Variants in RNF111 observed in about 807,000 individuals in gnomAD.
RNF111 encodes the protein E3 ubiquitin-protein ligase Arkadia.
In RNF111, 17 loss-of-function variants were observed where a neutral mutation model predicts 95.1. That is an observed-to-expected ratio of 0.18 (90% confidence interval 0.12 to 0.27). The LOEUF (loss-of-function observed/expected upper bound fraction) is 0.27. RNF111 is among the 10% of genes least tolerant of loss of function. The pLI is 1.00. For synonymous variants in RNF111, 440 were observed against 414.8 expected (o/e 1.06, Z -0.74); for missense variants, 1,189 against 1,210.4 (o/e 0.98, Z 0.26).
At chr15:59,060,341 A>T (rs1312673359) in intron 5 of RNF111, among the ~76,000 whole-genome samples, 1 of 152,050 alleles carries the variant, frequency 6.6e-6, no homozygotes, top group African/African-American at 2.4e-5. Context: ...GGTGAGACTC[A>T]CACCTGTAAT....
chr15:59,029,757 G>T (rs11855063), intron 1 of RNF111, among the ~76,000 whole-genome samples: 1 of 152,100 alleles, frequency 6.6e-6, no homozygotes, highest in South Asian at 2.1e-4. Flanking sequence ...CTGTAGTAAT[G>T]GGAAGAAGAT....
At chr15:59,026,603 A>G (rs2040622630) in intron 1 of RNF111, among the ~76,000 whole-genome samples, 1 of 152,210 alleles carries the variant, frequency 6.6e-6, no homozygotes, top group Admixed American at 6.5e-5. Flanking sequence ...ATAATTTAGA[A>G]TATTATCTGT....
chr15:59,092,593 A>G lies in RNF111; in HGVS notation c.2796A>G (p.Glu932=). The part of the protein sequence containing the change: ...GEEGTEEDTE[E]KCTICLSILE... ...AAGGGACTGAGGAAGACACAGAGGA[A>G]AAATGTACTATCTGTTTGTCTATTT... is the stretch of plus-strand genomic sequence containing the variant. The change falls in exon 13 of 14, where the codon GAA becomes GAG. Residue 932 remains glutamate (E), a synonymous_variant. Coordinates refer to ENST00000348370, the MANE Select transcript of RNF111 (RefSeq NM_017610.8). 1 of 1,613,016 alleles carries G rather than the reference A, an allele frequency of 6.2e-7. No individual in the cohort carries two copies. The highest frequency in any genetic ancestry group is 8.5e-7 in the Non-Finnish European group (1 of 1,179,154).
At chr15:58,995,389 AT>A (rs1243595148) in intron 1 of RNF111, among the ~76,000 whole-genome samples, 1 of 151,454 alleles carries the variant, frequency 6.6e-6, no homozygotes, top group African/African-American at 2.4e-5. Flanking sequence ...CTTTATTTTG[AT>A]GTTCAAATTG....
Position 58,996,661 on chromosome 15 carries a change from T to C in RNF111, c.-20+8593T>C, listed in dbSNP as rs1488270395. On this transcript the variant is annotated intron_variant, in intron 1 of 13. Transcript: ENST00000348370. ...TCATCAGTACTTTCTTTTTTTTTTT[T>C]TTTTTTTTTTTTTTTTTACCCAGGC... Among the ~76,000 whole-genome samples the C allele has an allele frequency of 1.9e-4, 28 of 144,878 alleles. 1 individual carries two copies. Among genetic ancestry groups the C allele is most frequent in the Non-Finnish European group, 3.6e-4 (24 of 66,386 alleles).
intron 2 of RNF111, among the ~76,000 whole-genome samples, chr15:59,047,768 T>C (rs1205378338): frequency 6.6e-6 from 1 of 151,548 alleles, no homozygotes; most frequent in African/African-American, 2.4e-5. Flanking sequence ...TAGAGACAGT[T>C]TTTCGCCATG....
At chr15:58,998,547 A>C (rs77678884) in intron 1 of RNF111, among the ~76,000 whole-genome samples, 2,014 of 152,304 alleles carry the variant, frequency 0.013, 39 homozygotes, top group East Asian at 0.038. Flanking sequence ...TAGTTATAAA[A>C]TGGATTAGCA....
intron 1 of RNF111, among the ~76,000 whole-genome samples, chr15:58,993,200 A>G (rs1458767989): frequency 2.6e-5 from 4 of 151,852 alleles, no homozygotes; most frequent in Non-Finnish European, 5.9e-5. Flanking sequence ...TTGTAAATAA[A>G]AATGTTTTAA....
At chr15:59,020,609 C>G (rs2040292047) in intron 1 of RNF111, among the ~76,000 whole-genome samples, 1 of 152,094 alleles carries the variant, frequency 6.6e-6, no homozygotes, top group South Asian at 2.1e-4. Context: ...TCTTTGATGA[C>G]TAATATTTAA....
At chr15:59,026,995 T>G (rs2040645187) in intron 1 of RNF111, among the ~76,000 whole-genome samples, 1 of 152,168 alleles carries the variant, frequency 6.6e-6, no homozygotes, top group South Asian at 2.1e-4. Flanking sequence ...CATAAAGAGT[T>G]GATTGCATTG....
chr15:59,055,822 T>TAC lies in RNF111; in HGVS notation c.1148_1149insAC (p.Asp384ArgfsTer12). ...TTGAGGCAGAATGCAGCAGAAGTTG[T>TAC]GGACCTTACCGTTGATGAAGATGGT... On this transcript the variant is annotated frameshift_variant, in exon 4 of 14. Transcript: ENST00000348370. LOFTEE classifies it high-confidence loss of function. 1 of 1,613,066 alleles carries TAC rather than the reference T, an allele frequency of 6.2e-7. No individual in the cohort carries two copies. Among genetic ancestry groups the TAC allele is most frequent in the Non-Finnish European group, 8.5e-7 (1 of 1,179,504 alleles).
At chr15:59,082,904 T>C (rs8029153) in intron 8 of RNF111, among the ~76,000 whole-genome samples, 111,909 of 152,096 alleles carry the variant, frequency 0.74, 41,444 homozygotes, top group Middle Eastern at 0.83. Flanking sequence ...CAGTCTTATC[T>C]TCCAGTAACT....
chr15:59,008,654 A>T (rs1291309249), intron 1 of RNF111, among the ~76,000 whole-genome samples: 1 of 152,122 alleles, frequency 6.6e-6, no homozygotes, highest in Admixed American at 6.5e-5. Context: ...GTGTTGATAC[A>T]ATTGGATTTA....
intron 8 of RNF111, among the ~76,000 whole-genome samples, chr15:59,083,614 A>G (rs1359620854): frequency 2.0e-5 from 3 of 152,098 alleles, no homozygotes; most frequent in Non-Finnish European, 4.4e-5. Context: ...GTTTTGAAAA[A>G]AAATGCACAG....
chr15:59,017,753 C>CTTTTTTTTTTTT (rs200975904), intron 1 of RNF111, among the ~76,000 whole-genome samples: 39 of 120,954 alleles, frequency 3.2e-4, no homozygotes, highest in East Asian at 4.5e-4. Flanking sequence ...TTGTTGAACT[C>CTTTTTTTTTTTT]TTTTTTTTTT....
Position 59,005,212 on chromosome 15 carries a change from G to A in RNF111, c.-20+17144G>A, listed in dbSNP as rs73416803. On this transcript the variant is annotated intron_variant, in intron 1 of 13. Transcript: ENST00000348370. ...AGTACATACTGTTTGTTTATTTGTC[G>A]AGACAGTCTCACCTATGTTGCCTAG... 8.2e-3 allele frequency among the ~76,000 whole-genome samples: 1,241 copies of A among 151,972 alleles called. 18 individuals are homozygous for A. The highest frequency in any genetic ancestry group is 0.029 in the African/African-American group (1,181 of 41,422).
intron 1 of RNF111, among the ~76,000 whole-genome samples, chr15:58,996,997 A>G (rs2039104484): frequency 6.6e-6 from 1 of 152,090 alleles, no homozygotes; most frequent in African/African-American, 2.4e-5. Context: ...GTATGCTTAT[A>G]TTTGTTTGTA....
At chr15:59,016,372 G>C (rs1280107367) in intron 1 of RNF111, among the ~76,000 whole-genome samples, 1 of 151,994 alleles carries the variant, frequency 6.6e-6, no homozygotes, top group Non-Finnish European at 1.5e-5. Flanking sequence ...GTTTCACCAT[G>C]TTGGCCAGGA....
intron 4 of RNF111, among the ~76,000 whole-genome samples, chr15:59,057,844 T>A (rs2042261994): frequency 6.6e-6 from 1 of 152,246 alleles, no homozygotes; most frequent in African/African-American, 2.4e-5. Context: ...AAAATTCTGA[T>A]GCTTTCCCAG....
Sources: gnomAD v4.1 joint callset for allele counts (sites outside exome capture counted in the v4.1 genomes callset) on GRCh38, gnomAD v4.1.1 for gene constraint, MANE v1.5 for transcripts, NCBI Gene and HGNC (gene_info 2026-07-23, HGNC 2026-07-21) for gene names.